The following LMBRD1 variants were observed in gnomAD, a reference collection of about 807,000 sequenced individuals.
LMBRD1 encodes the protein LMBR1 domain containing 1.
In LMBRD1, 64 loss-of-function variants were observed where a neutral mutation model predicts 74.8. The ratio of observed to expected loss-of-function variants is 0.86; its 90% CI spans 0.70 to 1.05. The LOEUF is 1.05. Ranked by LOEUF, LMBRD1 falls within the 50% of genes least tolerant of loss-of-function variation. The pLI, the probability that LMBRD1 is intolerant of heterozygous loss-of-function variation, is 0.00. For missense variants in LMBRD1, 652 were observed against 645.9 expected, an observed-to-expected ratio of 1.01 and a Z score of -0.10; for synonymous variants, 204 against 216.3, an observed-to-expected ratio of 0.94 and a Z score of 0.50.
chr6:69,761,619 G>A (rs1385228046), intron 3 of LMBRD1, among the ~76,000 whole-genome samples: 4 of 152,206 alleles, frequency 2.6e-5, no homozygotes, highest in South Asian at 2.1e-4. Flanking sequence ...TAGCTGATTC[G>A]ATACTTTTCC....
chr6:69,686,692 C>CT (rs747018529), intron 14 of LMBRD1, among the ~76,000 whole-genome samples: 25 of 152,288 alleles, frequency 1.6e-4, no homozygotes, highest in Non-Finnish European at 3.1e-4. Flanking sequence ...ATCCTGACCA[C>CT]TTTTTGCCAC....
At chr6:69,795,139 C>A (rs982534098) in intron 1 of LMBRD1, among the ~76,000 whole-genome samples, 3 of 152,206 alleles carry the variant, frequency 2.0e-5, no homozygotes, top group African/African-American at 7.2e-5. Context: ...CAAAAGAAAC[C>A]AGCCTTTCTT....
At chr6:69,770,005 C>T (rs772164034) in intron 3 of LMBRD1, among the ~76,000 whole-genome samples, 15 of 152,130 alleles carry the variant, frequency 9.9e-5, no homozygotes, top group African/African-American at 1.4e-4. Context: ...CTCCTACACA[C>T]GTGTAGAGCC....
intron 14 of LMBRD1, among the ~76,000 whole-genome samples, chr6:69,695,275 G>A (rs2502557): frequency 0.86 from 130,640 of 151,702 alleles, 58,864 homozygotes; most frequent in Non-Finnish European, 0.99. Context: ...TCTTGACTCC[G>A]CACATCTTCT....
intron 3 of LMBRD1, among the ~76,000 whole-genome samples, chr6:69,778,636 C>G (rs190652383): frequency 2.6e-5 from 4 of 152,062 alleles, no homozygotes; most frequent in African/African-American, 9.7e-5. Flanking sequence ...AGGTGACAGA[C>G]CTCCCCCCCT....
chr6:69,722,507 G>A lies in LMBRD1; in HGVS notation c.637-3426C>T, dbSNP rs557054381. On this transcript the variant is annotated intron_variant, in intron 7 of 15. Coordinates refer to ENST00000649934, the MANE Select transcript of LMBRD1 (RefSeq NM_018368.4). ...CAAGACACAGGCAGTACAATGAGAC[G>A]TAAAGAGAAACAACAAAAAGTTTAA... Among the ~76,000 whole-genome samples the A allele has an allele frequency of 7.2e-5, 11 of 151,896 alleles. 1 individual carries two copies. In the South Asian group the frequency reaches 1.2e-3, roughly 17 times the overall value.
rs1562097770 is a variant in LMBRD1, at chr6:69,718,951, C to G, written c.762+5G>C. ...CTTCCCAATTACACCAAAACATCAACTCACTTTTGATTTAATCGTTTGAAT... is the reference window on the plus strand; with the variant it reads ...CTTCCCAATTACACCAAAACATCAAGTCACTTTTGATTTAATCGTTTGAAT... On this transcript the variant is annotated splice_donor_5th_base_variant and intron_variant, in intron 8 of 15. Transcript: ENST00000649934. 3 of 1,613,228 alleles carry G rather than the reference C, an allele frequency of 1.9e-6. No homozygotes were observed. The highest frequency in any genetic ancestry group is 2.5e-6 in the Non-Finnish European group (3 of 1,179,480).
At chr6:69,751,670 A>G (rs1341743583) in intron 4 of LMBRD1, among the ~76,000 whole-genome samples, 1 of 152,202 alleles carries the variant, frequency 6.6e-6, no homozygotes, top group African/African-American at 2.4e-5. Flanking sequence ...AGAACAACCT[A>G]CAAGTGCTCC....
chr6:69,682,416 T>C (rs1274525411), intron 14 of LMBRD1, among the ~76,000 whole-genome samples: 1 of 151,966 alleles, frequency 6.6e-6, no homozygotes, highest in African/African-American at 2.4e-5. Flanking sequence ...ACAAGTATAA[T>C]CTGTGTTGAG....
At chr6:69,728,232 C>A (rs931701772) in intron 7 of LMBRD1, among the ~76,000 whole-genome samples, 1 of 152,080 alleles carries the variant, frequency 6.6e-6, no homozygotes, top group African/African-American at 2.4e-5. Context: ...AGAACTCTAT[C>A]CCAAGACAGT....
rs1766109305 is a variant in LMBRD1 at position 69,700,786 on chromosome 6, G to A, written c.1167C>T (p.Gly389=). The A allele has an allele frequency of 6.6e-7, 1 of 1,514,476 alleles. No individual in the cohort carries two copies. 93.8% of individuals were successfully genotyped at this position (1,514,476 alleles called of 1,614,324 possible). The part of the protein sequence containing the change: ...FTSMAGIRNI[G]IWFFWIRLYK... ...TTACTCTAATCCAAAAGAACCATAT[G>A]CCAATATTTCGAATTCCTGCCATTG... is the stretch of plus-strand genomic sequence containing the variant. The change falls in exon 12 of 16, where the codon GGC becomes GGT. Residue 389 remains glycine (G), a synonymous_variant. Coordinates refer to ENST00000649934, the MANE Select transcript of LMBRD1 (RefSeq NM_018368.4).
chr6:69,690,620 T>C (rs1024793806), intron 14 of LMBRD1, among the ~76,000 whole-genome samples: 1 of 152,172 alleles, frequency 6.6e-6, no homozygotes, highest in African/African-American at 2.4e-5. Context: ...AATCAATCCA[T>C]TTATACTTTT....
At chr6:69,703,048 GA>G (rs1193794501) in intron 9 of LMBRD1, among the ~76,000 whole-genome samples, 1 of 152,072 alleles carries the variant, frequency 6.6e-6, no homozygotes, top group Admixed American at 6.6e-5. Flanking sequence ...GAGTTGACGA[GA>G]GGGGTCCAAG....
Position 69,796,843 on chromosome 6 carries a change from G to A in LMBRD1, c.39C>T (p.Ile13=), listed in dbSNP as rs368494826. The A allele has an allele frequency of 1.2e-5, 20 of 1,613,852 alleles. No individual in the cohort carries two copies. The highest frequency in any genetic ancestry group is 2.7e-5 in the African/African-American group (2 of 74,886). Reference sequence around the variant, plus strand: ...GTAAGAGGCCGAATATGCACCAGCCGATCACCAGCTCCGCCGAGGCCGCGC... The same window carrying A: ...GTAAGAGGCCGAATATGCACCAGCCAATCACCAGCTCCGCCGAGGCCGCGC... ...TSGAASAELV[I]GWCIFGLLLL... Residue 13 remains isoleucine, a synonymous_variant, in exon 1 of 16, where the codon ATC becomes ATT. Transcript: ENST00000649934.
At chr6:69,721,880 G>A (rs903521926) in intron 7 of LMBRD1, among the ~76,000 whole-genome samples, 1 of 152,194 alleles carries the variant, frequency 6.6e-6, no homozygotes, top group Non-Finnish European at 1.5e-5. Context: ...CAAGCTGTCA[G>A]AAGAGCCCTT....
intron 7 of LMBRD1, among the ~76,000 whole-genome samples, chr6:69,724,753 A>G (rs1301892332): frequency 1.3e-5 from 2 of 151,910 alleles, no homozygotes; most frequent in African/African-American, 4.8e-5. Flanking sequence ...TGAGGTCCAC[A>G]GCTAGTATCA....
At chr6:69,763,329 CTTGTT>C (rs1464061928) in intron 3 of LMBRD1, among the ~76,000 whole-genome samples, 1 of 151,564 alleles carries the variant, frequency 6.6e-6, no homozygotes, top group Non-Finnish European at 1.5e-5. Context: ...AATGGAAAAG[CTTGTT>C]TTGAAGAGAA....
At chr6:69,736,115 C>G (rs1766970891) in intron 7 of LMBRD1, among the ~76,000 whole-genome samples, 1 of 152,120 alleles carries the variant, frequency 6.6e-6, no homozygotes, top group Admixed American at 6.6e-5. Context: ...CTCATAGTAT[C>G]TACCAATTGA....
intron 4 of LMBRD1, among the ~76,000 whole-genome samples, chr6:69,751,057 T>C (rs1562112092): frequency 2.0e-5 from 3 of 152,096 alleles, no homozygotes; most frequent in African/African-American, 7.2e-5. Context: ...TCCCCTAAAT[T>C]ACAGTGTTCG....
Sources: allele counts gnomAD v4.1 joint callset (sites outside exome capture counted in the v4.1 genomes callset), GRCh38; gene constraint gnomAD v4.1.1; transcripts MANE v1.5; gene names NCBI Gene and HGNC (gene_info 2026-07-23, HGNC 2026-07-21).